RBFOX3: variants seen among roughly 807,000 people sequenced by gnomAD.
RBFOX3 encodes RNA binding protein fox-1 homolog 3.
RBFOX3 carries 17 observed loss-of-function variants against 48.7 expected under a neutral mutation model. That is an observed-to-expected ratio of 0.35 (90% CI 0.24 to 0.52). The LOEUF is 0.52. RBFOX3 is among the 20% of genes least tolerant of loss of function. RBFOX3 has a pLI of 0.94. For synonymous variants in RBFOX3, 212 were observed against 209.5 expected (o/e 1.01, Z -0.10); for missense variants, 382 against 497.5 (o/e 0.77, Z 2.21).
chr17:79,370,742 C>T (rs1429082235), intron 2 of RBFOX3, among the ~76,000 whole-genome samples: 1 of 152,204 alleles, frequency 6.6e-6, no homozygotes, highest in Admixed American at 6.5e-5. Context: ...CTCACTAACA[C>T]ACACAGGCCT....
At chr17:79,636,348 T>C in the RBFOX3 span, among the ~76,000 whole-genome samples, 1 of 152,124 alleles carries the variant, frequency 6.6e-6, no homozygotes, top group Non-Finnish European at 1.5e-5. Context: ...ACACTACCAA[T>C]TTTACTGCTG....
rs2077273265 is a variant in RBFOX3, at chr17:79,473,266, G to T, written c.-175+9188C>A. Among the ~76,000 whole-genome samples the T allele has an allele frequency of 6.6e-6, 1 of 152,214 alleles. No individual in the cohort carries two copies. The highest frequency in any genetic ancestry group is 2.4e-5 in the African/African-American group (1 of 41,452). ...ACCTCACTTTGAGTAGCTGAGATAT[G>T]GGTCATGTGAGACGTGTCCTCAGCC... On this transcript the variant is annotated intron_variant, in intron 2 of 14. Transcript: ENST00000693108. This position sits in a 1 kb window ranked among gnomAD's most constrained non-coding sequence, Gnocchi z 4.2.
rs1355545191 is a variant in RBFOX3, at chr17:79,477,585, G to GA, written c.-175+4868dup. ...AAAAAAAAAAGAGGAGGAGGAGTAG[G>GA]AAAAAAGGGTGAAACAGAAGCAATG... On this transcript the variant is annotated intron_variant, in intron 2 of 14. Transcript: ENST00000693108. This position sits in a 1 kb window ranked among gnomAD's most constrained non-coding sequence, Gnocchi z 4.8. 4.0e-5 allele frequency among the ~76,000 whole-genome samples: 6 copies of GA among 151,802 alleles called. No individual in the cohort carries two copies. Among genetic ancestry groups the GA allele is most frequent in the South Asian group, 2.1e-4 (1 of 4,818 alleles).
intron 3 of RBFOX3, among the ~76,000 whole-genome samples, chr17:79,256,962 A>AAAAAAG (rs2064981597): frequency 6.6e-6 from 1 of 152,018 alleles, no homozygotes; most frequent in African/African-American, 2.4e-5. Flanking sequence ...AAAAAAACAA[A>AAAAAAG]AAAAAGAAAA....
At position 79,307,781 on chromosome 17, in the gene RBFOX3, G is replaced by C. The variant is rs2076290606; in HGVS notation, c.-131C>G. The C allele has an allele frequency of 6.5e-6, 1 of 153,784 alleles. No individual in the cohort carries two copies. Among genetic ancestry groups the C allele is most frequent in the South Asian group, 2.1e-4 (1 of 4,828 alleles). 9.5% of individuals were successfully genotyped at this position (153,784 alleles called of 1,614,324 possible). ...TCCCAGCTGGAGGGGCTGCAGACCT[G>C]GGAAAATGGTGGCAGAATTTCCTCT... On this transcript the variant is annotated 5_prime_UTR_variant, in exon 3 of 15. Coordinates refer to ENST00000693108, the MANE Select transcript of RBFOX3 (RefSeq NM_001350451.2).
At position 79,418,611 on chromosome 17, in the gene RBFOX3, A is replaced by T. The variant is rs1324863355; in HGVS notation, c.-175+63843T>A. ...CCCAGCTCAGGGATGCTTCTTGGCAAGGAGGTCTGGGAGAAAATCAGGAAG... is the reference window on the plus strand; with the variant it reads ...CCCAGCTCAGGGATGCTTCTTGGCATGGAGGTCTGGGAGAAAATCAGGAAG... On this transcript the variant is annotated intron_variant, in intron 2 of 14. Coordinates refer to ENST00000693108, the MANE Select transcript of RBFOX3 (RefSeq NM_001350451.2). This position sits in a 1 kb window ranked among gnomAD's most constrained non-coding sequence, Gnocchi z 5.0. Among the ~76,000 whole-genome samples, 1 of 152,204 alleles carries T rather than the reference A, an allele frequency of 6.6e-6. No individual in the cohort carries two copies.
At chr17:79,106,416 C>A (rs1277515902) in intron 6 of RBFOX3, among the ~76,000 whole-genome samples, 1 of 151,956 alleles carries the variant, frequency 6.6e-6, no homozygotes, top group African/African-American at 2.4e-5. Context: ...CGCAACAGAT[C>A]CCCCTACTCC....
Position 79,090,684 on chromosome 17 carries a change from C to T in RBFOX3, c.*199G>A, listed in dbSNP as rs764567807. 3.8e-5 allele frequency: 25 copies of T among 653,524 alleles called. No homozygotes were observed. The highest frequency in any genetic ancestry group is 6.2e-5 in the Admixed American group (2 of 32,308). 40.5% of individuals were successfully genotyped at this position (653,524 alleles called of 1,614,324 possible). A position where few individuals can be genotyped will look rare whatever the true frequency, so the allele number is the denominator to read the frequency against. On this transcript the variant is annotated 3_prime_UTR_variant, in exon 15 of 15. Transcript: ENST00000693108. ...GTCCTGTCCTGGGGCCGCTCCTCGG[C>T]GCCCCTGCCGGCGTGCTCCCTCGGT...
At chr17:79,191,074 C>A (rs1567814691) in intron 4 of RBFOX3, among the ~76,000 whole-genome samples, 1 of 152,248 alleles carries the variant, frequency 6.6e-6, no homozygotes, top group Non-Finnish European at 1.5e-5. Context: ...CTTCCATCAA[C>A]AGCGGGTGGG....
Position 79,480,997 on chromosome 17 carries a change from T to C in RBFOX3, c.-175+1457A>G, listed in dbSNP as rs2078698780. ...GTGGAATGAACAATGTAGGGCAGTC[T>C]GGATGGATGAGCTACGGCAAGAAGA... On this transcript the variant is annotated intron_variant, in intron 2 of 14. Coordinates refer to ENST00000693108, the MANE Select transcript of RBFOX3 (RefSeq NM_001350451.2). This position sits in a 1 kb window ranked among gnomAD's most constrained non-coding sequence, Gnocchi z 4.8. Among the ~76,000 whole-genome samples, 1 of 152,070 alleles carries C rather than the reference T, an allele frequency of 6.6e-6. No homozygotes were observed. Among genetic ancestry groups the C allele is most frequent in the Non-Finnish European group, 1.5e-5 (1 of 68,022 alleles).
intron 2 of RBFOX3, among the ~76,000 whole-genome samples, chr17:79,439,000 A>C (rs1555732912): frequency 6.6e-6 from 1 of 152,152 alleles, no homozygotes; most frequent in Non-Finnish European, 1.5e-5. Flanking sequence ...TTCTTTACAA[A>C]TTCCCCAGCT....
At chr17:79,409,587 TA>T (rs1367673573) in intron 2 of RBFOX3, among the ~76,000 whole-genome samples, 1 of 152,198 alleles carries the variant, frequency 6.6e-6, no homozygotes, top group Non-Finnish European at 1.5e-5. Context: ...CTGAAGTCCA[TA>T]AGGCATGTGC....
intron 4 of RBFOX3, among the ~76,000 whole-genome samples, chr17:79,194,736 C>T (rs751366579): frequency 7.9e-5 from 9 of 113,862 alleles, no homozygotes; most frequent in Non-Finnish European, 1.4e-4. Context: ...CTAATTGAGA[C>T]ACTCCCTGTG....
rs951939281 is a variant in RBFOX3, at chr17:79,243,586, C to T, written c.-73-7781G>A. 3.3e-5 allele frequency among the ~76,000 whole-genome samples: 5 copies of T among 152,020 alleles called. No individual in the cohort carries two copies. Among genetic ancestry groups the T allele is most frequent in the East Asian group, 1.9e-4 (1 of 5,172 alleles). ...ATGAGGTCTGCAGGCACCTGGCTGC[C>T]CTCAGGTGGGAGGGTGTGGGGAAGG... On this transcript the variant is annotated intron_variant, in intron 3 of 14. Coordinates refer to ENST00000693108, the MANE Select transcript of RBFOX3 (RefSeq NM_001350451.2). The surrounding 1 kb of genome is among the most constrained non-coding windows in gnomAD (Gnocchi z 7.9).
chr17:79,183,430 G>C (rs1344777092), intron 4 of RBFOX3: 1 of 152,152 alleles, frequency 6.6e-6, no homozygotes, highest in South Asian at 2.1e-4. Flanking sequence ...GAGTGTGCGC[G>C]CGCCCTGCCT....
chr17:79,529,483 AAAG>A (rs2087352879), intron 1 of RBFOX3, among the ~76,000 whole-genome samples: 1 of 152,190 alleles, frequency 6.6e-6, no homozygotes, highest in Admixed American at 6.5e-5. Context: ...GGATGCGTGC[AAAG>A]AAGCGGCTAG....
At chr17:79,414,442 C>G (rs1010215476) in intron 2 of RBFOX3, among the ~76,000 whole-genome samples, 1 of 152,216 alleles carries the variant, frequency 6.6e-6, no homozygotes, top group Non-Finnish European at 1.5e-5. Flanking sequence ...CCCCACAAAG[C>G]CCCTCAGCGT....
At chr17:79,282,485 G>A (rs2070790134) in intron 3 of RBFOX3, among the ~76,000 whole-genome samples, 1 of 152,124 alleles carries the variant, frequency 6.6e-6, no homozygotes, top group Admixed American at 6.5e-5. Flanking sequence ...AGCCTGAACT[G>A]CTGGCTCAAT....
At chr17:79,277,305 G>A (rs951458729) in intron 3 of RBFOX3, among the ~76,000 whole-genome samples, 1 of 117,442 alleles carries the variant, frequency 8.5e-6, no homozygotes, top group Non-Finnish European at 1.8e-5. Flanking sequence ...TGGTGGGGAG[G>A]GGGGGGGTAG....
Sources: allele counts gnomAD v4.1 joint callset (sites outside exome capture counted in the v4.1 genomes callset), GRCh38; gene constraint gnomAD v4.1.1; non-coding constraint Gnocchi (gnomAD v3.1); transcripts MANE v1.5; gene names NCBI Gene and HGNC (gene_info 2026-07-23, HGNC 2026-07-21).